KLHDC4: variants seen among roughly 807,000 people sequenced by gnomAD.
KLHDC4 encodes the protein kelch domain-containing protein 4.
In KLHDC4, 90 loss-of-function variants were observed where a neutral mutation model predicts 62.4. That is an observed-to-expected ratio of 1.44 (90% CI 1.22 to 1.72). The LOEUF (loss-of-function observed/expected upper bound fraction) is 1.72. Ranked by LOEUF, KLHDC4 falls within the 40% of genes most tolerant of loss-of-function variation. KLHDC4 has a pLI of 0.00. For synonymous variants in KLHDC4, 386 were observed against 284.4 expected (o/e 1.36, Z -3.59); for missense variants, 1,025 against 699.7 (o/e 1.47, Z -5.25).
chr16:87,750,449 G>C (rs1201518499), intron 4 of KLHDC4: 1 of 152,278 alleles, frequency 6.6e-6, no homozygotes, highest in African/African-American at 2.4e-5. Context: ...CAACCTGGCA[G>C]CAGGTGAAGC....
At chr16:87,705,837 C>T (rs983692248), downstream of KLHDC4, among the ~76,000 whole-genome samples, 2 of 152,184 alleles carry the variant, frequency 1.3e-5, no homozygotes, top group East Asian at 3.9e-4. Flanking sequence ...TCTGGCTTCT[C>T]AACCCTGTCC....
chr16:87,762,301 C>G (rs1476922663), intron 1 of KLHDC4: 2 of 528,420 alleles, frequency 3.8e-6, no homozygotes, highest in Non-Finnish European at 6.0e-6. Context: ...TCTGCAAGAC[C>G]TTCCACTTAG....
downstream of KLHDC4, among the ~76,000 whole-genome samples, chr16:87,706,991 C>T (rs1395814174): frequency 5.3e-5 from 8 of 152,188 alleles, no homozygotes; most frequent in Admixed American, 1.3e-4. Context: ...CCCTTGTTTT[C>T]AACTCCCAGA....
intron 7 of KLHDC4, among the ~76,000 whole-genome samples, chr16:87,724,436 C>T (rs1266985720): frequency 6.6e-6 from 1 of 152,312 alleles, no homozygotes; most frequent in Admixed American, 6.5e-5. Context: ...AGCCAAGCCA[C>T]TACTGGGAGG....
At chr16:87,752,348 T>G (rs1301906054) in intron 4 of KLHDC4, among the ~76,000 whole-genome samples, 1 of 150,044 alleles carries the variant, frequency 6.7e-6, no homozygotes, top group Admixed American at 6.6e-5. Flanking sequence ...CTTTTTTTTT[T>G]TTTTTGGAGA....
At chr16:87,760,698 C>G (rs1320740322) in intron 2 of KLHDC4, among the ~76,000 whole-genome samples, 2 of 151,752 alleles carry the variant, frequency 1.3e-5, no homozygotes, top group African/African-American at 4.8e-5. Flanking sequence ...TATCAGAAGC[C>G]TAAGATCAAG....
intron 1 of KLHDC4, among the ~76,000 whole-genome samples, chr16:87,762,763 G>A (rs1046800147): frequency 2.0e-5 from 3 of 151,988 alleles, no homozygotes; most frequent in Non-Finnish European, 2.9e-5. Flanking sequence ...CAGTGTTCCC[G>A]CCTCAGTCCC....
At chr16:87,733,591 G>A (rs987734506) in intron 5 of KLHDC4, among the ~76,000 whole-genome samples, 1 of 148,916 alleles carries the variant, frequency 6.7e-6, no homozygotes, top group African/African-American at 2.5e-5. Flanking sequence ...GACCTGCCTC[G>A]CCTCCTACTT....
Position 87,748,590 on chromosome 16 carries a change from G to C in KLHDC4, c.506+83C>G, listed in dbSNP as rs1048712124. ...AAGTTCCTCTGAACCCTGGTATTCTGAGGTCTGCTCCGAGCACTCGGGCTC... is the reference window on the plus strand; with the variant it reads ...AAGTTCCTCTGAACCCTGGTATTCTCAGGTCTGCTCCGAGCACTCGGGCTC... On this transcript the variant is annotated intron_variant, in intron 5 of 11. Coordinates refer to ENST00000270583, the MANE Select transcript of KLHDC4 (RefSeq NM_017566.4). The C allele has an allele frequency of 1.7e-5, 26 of 1,548,034 alleles. 1 individual carries two copies. The highest frequency in any genetic ancestry group is 1.8e-4 in the Middle Eastern group (1 of 5,666).
intron 10 of KLHDC4, 165 bp from the exon 11 acceptor site, chr16:87,708,631 C>G: frequency 2.2e-6 from 1 of 446,198 alleles, no homozygotes; most frequent in Non-Finnish European, 3.9e-6. Flanking sequence ...ACAAAGGAAA[C>G]AGACTGCGTT....
At chr16:87,706,896 G>A (rs550434682), downstream of KLHDC4, among the ~76,000 whole-genome samples, 69 of 152,308 alleles carry the variant, frequency 4.5e-4, no homozygotes, top group South Asian at 4.8e-3. Flanking sequence ...ACAGGGGCTC[G>A]CCACCAAGTC....
intron 5 of KLHDC4, among the ~76,000 whole-genome samples, chr16:87,745,150 G>A (rs1284992555): frequency 6.6e-6 from 1 of 152,202 alleles, no homozygotes; most frequent in South Asian, 2.1e-4. Context: ...ATTCCAATGA[G>A]CAGGTGCCAC....
intron 5 of KLHDC4, among the ~76,000 whole-genome samples, chr16:87,746,931 CG>C (rs2043126947): frequency 6.6e-6 from 1 of 152,190 alleles, no homozygotes; most frequent in Non-Finnish European, 1.5e-5. Context: ...GCAGCTGCCA[CG>C]GATGTCCCGC....
chr16:87,724,348 C>A (rs982616602), intron 7 of KLHDC4, among the ~76,000 whole-genome samples: 1 of 152,136 alleles, frequency 6.6e-6, no homozygotes, highest in African/African-American at 2.4e-5. Flanking sequence ...CCGCAATAAT[C>A]ACAAAAGAAA....
chr16:87,744,086 C>G (rs1180802831), intron 5 of KLHDC4, among the ~76,000 whole-genome samples: 1 of 152,040 alleles, frequency 6.6e-6, no homozygotes, highest in African/African-American at 2.4e-5. Context: ...CAAGACCAGC[C>G]TGGCCAACAC....
chr16:87,715,857 G>A (rs1420494595), intron 7 of KLHDC4, among the ~76,000 whole-genome samples: 2 of 152,238 alleles, frequency 1.3e-5, no homozygotes, highest in Non-Finnish European at 2.9e-5. Flanking sequence ...TGTGGTCGCA[G>A]GGGTAGTGAC....
chr16:87,760,345 C>T (rs762313119), intron 2 of KLHDC4, among the ~76,000 whole-genome samples: 99 of 151,634 alleles, frequency 6.5e-4, no homozygotes, highest in Non-Finnish European at 3.1e-4. Flanking sequence ...CGGTGGCTCA[C>T]GCCTGTAATC....
At chr16:87,765,280 C>T (rs1597455940) in intron 1 of KLHDC4, 1 of 456,124 alleles carries the variant, frequency 2.2e-6, no homozygotes, top group Non-Finnish European at 4.4e-6. Flanking sequence ...GGCTCCAGTG[C>T]CTTCTTCACT....
At chr16:87,746,425 G>A (rs541680986) in intron 5 of KLHDC4, among the ~76,000 whole-genome samples, 35 of 152,094 alleles carry the variant, frequency 2.3e-4, no homozygotes, top group East Asian at 1.9e-4. Flanking sequence ...AAGATTAAGC[G>A]CACACCCTCC....
Sources: allele counts gnomAD v4.1 joint callset (sites outside exome capture counted in the v4.1 genomes callset), GRCh38; gene constraint gnomAD v4.1.1; transcripts MANE v1.5; gene names NCBI Gene and HGNC (gene_info 2026-07-23, HGNC 2026-07-21).